Variants in COL14A1 observed in about 807,000 individuals in gnomAD.
COL14A1 encodes the protein collagen type XIV alpha 1 chain.
Under a neutral mutation model 230.3 loss-of-function variants are expected in COL14A1, and 136 were observed. That is an observed-to-expected ratio of 0.59 (90% CI 0.51 to 0.68). The LOEUF (loss-of-function observed/expected upper bound fraction) is 0.68, where lower values mean the gene tolerates loss of function less well. Ranked by LOEUF, COL14A1 falls within the 30% of genes least tolerant of loss-of-function variation. COL14A1 has a pLI of 0.00. For synonymous variants in COL14A1, 792 were observed against 784.1 expected (o/e 1.01, Z -0.17); for missense variants, 1,976 against 2,215.8 (o/e 0.89, Z 2.17).
chr8:120,162,311 C>T, intron 3 of COL14A1, 115 bp from the exon 4 acceptor site: 2 of 757,000 alleles, frequency 2.6e-6, no homozygotes, highest in Non-Finnish European at 4.1e-6. Context: ...CAATAAAACA[C>T]ATTTCAAAAA....
chr8:120,277,051 AAAAC>A (rs2129872802), intron 26 of COL14A1, among the ~76,000 whole-genome samples: 1 of 151,382 alleles, frequency 6.6e-6, no homozygotes, highest in East Asian at 1.9e-4. Context: ...ATAATTCTGA[AAAAC>A]AAATAAAAAA....
At chr8:120,133,095 A>G (rs2130389271) in intron 1 of COL14A1, among the ~76,000 whole-genome samples, 1 of 152,228 alleles carries the variant, frequency 6.6e-6, no homozygotes, top group East Asian at 1.9e-4. Context: ...GCGTGCCTGT[A>G]GTCCCAGCTA....
Position 120,317,542 on chromosome 8 carries a change from G to A in COL14A1, c.4659+1545G>A, listed in dbSNP as rs531412905. Among the ~76,000 whole-genome samples the A allele has an allele frequency of 7.9e-5, 12 of 152,320 alleles. No individual in the cohort carries two copies. In the East Asian group the frequency reaches 2.1e-3, roughly 27 times the overall value. On this transcript the variant is annotated intron_variant, in intron 40 of 47. Transcript: ENST00000297848. ...AAATATTTATATATTTTGGCAAAGG[G>A]CGTAGGCTAAGATCCTGTGTGGTTA...
chr8:120,131,071 A>G (rs1468207267), intron 1 of COL14A1, among the ~76,000 whole-genome samples: 2 of 152,210 alleles, frequency 1.3e-5, no homozygotes, highest in Non-Finnish European at 2.9e-5. Context: ...ATGGCTGTGT[A>G]GTATTCCATG....
intron 45 of COL14A1, among the ~76,000 whole-genome samples, chr8:120,348,245 G>GC (rs1168142725): frequency 2.1e-5 from 3 of 145,178 alleles, no homozygotes; most frequent in African/African-American, 5.0e-5. Context: ...ATATATATAT[G>GC]TATATATATG....
intron 36 of COL14A1, among the ~76,000 whole-genome samples, chr8:120,308,279 G>A (rs1820913627): frequency 6.6e-6 from 1 of 152,254 alleles, no homozygotes; most frequent in Admixed American, 6.5e-5. Flanking sequence ...AGTGCGCCCA[G>A]CCTGAAGCAT....
At chr8:120,173,133 T>C (rs1027044480) in intron 5 of COL14A1, among the ~76,000 whole-genome samples, 2 of 152,220 alleles carry the variant, frequency 1.3e-5, no homozygotes, top group African/African-American at 4.8e-5. Context: ...GGCATTCTAC[T>C]GTAAAGAAGC....
intron 4 of COL14A1, among the ~76,000 whole-genome samples, chr8:120,163,261 A>T (rs1362043639): frequency 2.0e-5 from 3 of 152,172 alleles, no homozygotes; most frequent in African/African-American, 7.2e-5. Context: ...CTGTGAAGAG[A>T]GGTACTCTCT....
intron 21 of COL14A1, among the ~76,000 whole-genome samples, chr8:120,249,795 G>A (rs1818883533): frequency 6.6e-6 from 1 of 152,212 alleles, no homozygotes; most frequent in Non-Finnish European, 1.5e-5. Context: ...AAATATACAT[G>A]TATGGTCATT....
intron 45 of COL14A1, among the ~76,000 whole-genome samples, chr8:120,363,239 T>C (rs928959863): frequency 6.6e-6 from 1 of 152,222 alleles, no homozygotes; most frequent in African/African-American, 2.4e-5. Flanking sequence ...TGGAACACTA[T>C]GCAACCATAA....
intron 36 of COL14A1, among the ~76,000 whole-genome samples, chr8:120,305,680 T>C (rs1426993424): frequency 6.6e-6 from 1 of 152,174 alleles, no homozygotes; most frequent in Admixed American, 6.5e-5. Context: ...TTTACTTTCT[T>C]GGTTTTTCTT....
chr8:120,166,194 C>T (rs1424704643), intron 4 of COL14A1, among the ~76,000 whole-genome samples: 2 of 152,144 alleles, frequency 1.3e-5, no homozygotes, highest in Non-Finnish European at 2.9e-5. Flanking sequence ...GACATTTGAA[C>T]TAGACTTTGA....
chr8:120,246,219 C>T (rs186957609), intron 20 of COL14A1, among the ~76,000 whole-genome samples: 68 of 152,286 alleles, frequency 4.5e-4, no homozygotes, highest in African/African-American at 1.6e-3. Flanking sequence ...ATCTCTCCCT[C>T]CTCCCGTGCT....
chr8:120,227,500 C>A, intron 17 of COL14A1, 148 bp downstream of exon 17: 3 of 963,778 alleles, frequency 3.1e-6, no homozygotes, highest in Non-Finnish European at 4.6e-6. Flanking sequence ...TCTTCACTTT[C>A]AATGAAACCA....
chr8:120,361,811 G>C (rs1159911623), intron 45 of COL14A1, among the ~76,000 whole-genome samples: 1 of 151,810 alleles, frequency 6.6e-6, no homozygotes, highest in Non-Finnish European at 1.5e-5. Flanking sequence ...TGGTGTGGTC[G>C]GGGGGGCCAT....
chr8:120,371,543 C>A lies in COL14A1; in HGVS notation c.*312C>A. ...GGAAAAATAAATTGAACTCTGGAAT[C>A]TTCTCTCTCAAGTCCTAAAATGAAC... On this transcript the variant is annotated 3_prime_UTR_variant, in exon 48 of 48. Coordinates refer to ENST00000297848, the MANE Select transcript of COL14A1 (RefSeq NM_021110.4). 2.5e-6 allele frequency: 1 copy of A among 398,100 alleles called. No individual in the cohort carries two copies. The highest frequency in any genetic ancestry group is 1.3e-4 in the South Asian group (1 of 7,818). 24.7% of individuals were successfully genotyped at this position (398,100 alleles called of 1,614,324 possible).
At chr8:120,171,905 G>A (rs768999801) in intron 5 of COL14A1, among the ~76,000 whole-genome samples, 1 of 151,380 alleles carries the variant, frequency 6.6e-6, no homozygotes, top group Non-Finnish European at 1.5e-5. Context: ...AATATTTTGG[G>A]TTCCTTATAT....
rs1821887572 is a variant in COL14A1 at position 120,332,062 on chromosome 8, T to C, written c.4660-79T>C. The C allele has an allele frequency of 3.2e-6, 4 of 1,248,078 alleles. No homozygotes were observed. The East Asian group carries it at 9.3e-5, about 29-fold the overall frequency. 77.3% of individuals were successfully genotyped at this position (1,248,078 alleles called of 1,614,324 possible). On this transcript the variant is annotated intron_variant, in intron 40 of 47. Transcript: ENST00000297848. ...AGCAGCAGGACTTGACCCCCAAACATGAAAAGGAACTAAATGAGCCCATTC... is the reference window on the plus strand; with the variant it reads ...AGCAGCAGGACTTGACCCCCAAACACGAAAAGGAACTAAATGAGCCCATTC...
chr8:120,357,987 G>A (rs1823045172), intron 45 of COL14A1, among the ~76,000 whole-genome samples: 1 of 151,920 alleles, frequency 6.6e-6, no homozygotes, highest in Non-Finnish European at 1.5e-5. Context: ...CAAAGAACGA[G>A]AGAAAAAAAG....
Sources: allele counts gnomAD v4.1 joint callset (sites outside exome capture counted in the v4.1 genomes callset), GRCh38; gene constraint gnomAD v4.1.1; transcripts MANE v1.5; gene names NCBI Gene and HGNC (gene_info 2026-07-23, HGNC 2026-07-21).